CARD8: variants seen among roughly 807,000 people sequenced by gnomAD.
The protein encoded by CARD8 is caspase recruitment domain family member 8.
A neutral mutation model predicts 53.2 loss-of-function variants in CARD8; 38 were observed. The ratio of observed to expected loss-of-function variants is 0.71; its 90% CI spans 0.55 to 0.94. CARD8 has a LOEUF of 0.94. Ranked by LOEUF, CARD8 falls within the 40% of genes least tolerant of loss-of-function variation. CARD8 has a pLI of 0.00. For missense variants in CARD8, 561 were observed against 655.5 expected, an observed-to-expected ratio of 0.86 and a Z score of 1.57; for synonymous variants, 245 against 244.9, an observed-to-expected ratio of 1.00 and a Z score of 0.00.
intron 11 of CARD8, 113 bp from the exon 12 acceptor site, chr19:48,219,125 T>A (rs193121466): frequency 1.1e-6 from 1 of 919,716 alleles, no homozygotes; most frequent in Admixed American, 2.2e-5. Flanking sequence ...TCATGGCTGG[T>A]TGAGTGGGAA....
chr19:48,234,360 G>T, intron 6 of CARD8, 43 bp downstream of exon 6: 1 of 1,571,018 alleles, frequency 6.4e-7, no homozygotes, highest in South Asian at 1.2e-5. Flanking sequence ...GTGATATTGA[G>T]ACACAGCGTC....
chr19:48,242,541 T>G (rs891360824), intron 3 of CARD8: 1 of 152,210 alleles, frequency 6.6e-6, no homozygotes, highest in African/African-American at 2.4e-5. Context: ...TAACAGCACC[T>G]CCTTTGCTTT....
chr19:48,240,228 G>A (rs542530871), intron 4 of CARD8, among the ~76,000 whole-genome samples: 1 of 152,250 alleles, frequency 6.6e-6, no homozygotes, highest in African/African-American at 2.4e-5. Flanking sequence ...TGCTGATGAG[G>A]AGCCACTGAA....
intron 13 of CARD8, among the ~76,000 whole-genome samples, chr19:48,212,336 A>G (rs999276330): frequency 6.6e-6 from 1 of 152,174 alleles, no homozygotes; most frequent in African/African-American, 2.4e-5. Context: ...TAGTTCATAC[A>G]TTGTCAGAAA....
At chr19:48,249,909 T>G (rs549028512) in intron 1 of CARD8, 62 bp from the exon 2 acceptor site, 1 of 152,364 alleles carries the variant, frequency 6.6e-6, no homozygotes, top group African/African-American at 2.4e-5. Flanking sequence ...GCCCTCCGCT[T>G]GTTGAAAACA....
intron 11 of CARD8, among the ~76,000 whole-genome samples, chr19:48,221,040 AAAG>A (rs887799053): frequency 6.6e-6 from 1 of 150,928 alleles, no homozygotes; most frequent in Non-Finnish European, 1.5e-5. Context: ...AAGAGGGAAA[AAAG>A]AAAGAGGAAG....
intron 5 of CARD8, among the ~76,000 whole-genome samples, chr19:48,234,953 T>C (rs76986368): frequency 8.5e-5 from 13 of 152,284 alleles, no homozygotes; most frequent in East Asian, 1.9e-4. Flanking sequence ...CCCGAGAGAA[T>C]AGGACCCTAA....
chr19:48,217,182 T>A (rs4389238), intron 12 of CARD8, among the ~76,000 whole-genome samples: 7 of 152,196 alleles, frequency 4.6e-5, no homozygotes, highest in Admixed American at 3.9e-4. Context: ...AAGCTTCGCC[T>A]GCTCACCGTC....
intron 10 of CARD8, among the ~76,000 whole-genome samples, chr19:48,228,552 T>C (rs1386840554): frequency 6.6e-6 from 1 of 152,102 alleles, no homozygotes; most frequent in African/African-American, 2.4e-5. Flanking sequence ...CAGAGAGATC[T>C]GGGAACAGAG....
intron 5 of CARD8, among the ~76,000 whole-genome samples, chr19:48,237,310 T>C (rs1402697235): frequency 6.6e-6 from 1 of 151,714 alleles, no homozygotes; most frequent in Non-Finnish European, 1.5e-5. Context: ...CCACACACTT[T>C]TAAAGAACCA....
intron 1 of CARD8, among the ~76,000 whole-genome samples, chr19:48,254,203 T>C (rs1421674): frequency 0.23 from 35,029 of 151,962 alleles, 4,147 homozygotes; most frequent in Middle Eastern, 0.33. Flanking sequence ...AGTTTGAGTC[T>C]GGTCTGGGCA....
intron 10 of CARD8, among the ~76,000 whole-genome samples, chr19:48,225,570 AAGACTAGAAAG>A (rs1413623216): frequency 8.5e-5 from 13 of 152,280 alleles, no homozygotes; most frequent in Non-Finnish European, 1.6e-4. Flanking sequence ...TCTTTAGGCA[AAGACTAGAAAG>A]AGACTAGAAA....
chr19:48,214,098 T>C (rs969899203), intron 13 of CARD8, among the ~76,000 whole-genome samples: 1 of 152,244 alleles, frequency 6.6e-6, no homozygotes, highest in African/African-American at 2.4e-5. Flanking sequence ...GTCTACATGA[T>C]GTCCTCACGC....
At chr19:48,234,987 A>T (rs187141278) in intron 5 of CARD8, among the ~76,000 whole-genome samples, 1 of 152,204 alleles carries the variant, frequency 6.6e-6, no homozygotes, top group Admixed American at 6.5e-5. Flanking sequence ...GCAGGGCATT[A>T]GTGAGATTGG....
chr19:48,240,137 T>G (rs2044695034), intron 4 of CARD8, among the ~76,000 whole-genome samples: 1 of 152,178 alleles, frequency 6.6e-6, no homozygotes, highest in Non-Finnish European at 1.5e-5. Context: ...ACATGAAATA[T>G]TTGGTCAGAT....
intron 10 of CARD8, among the ~76,000 whole-genome samples, chr19:48,225,226 C>T (rs1480616543): frequency 1.3e-5 from 2 of 152,180 alleles, no homozygotes; most frequent in East Asian, 3.9e-4. Flanking sequence ...CACGGTGGCT[C>T]ACACCTGTAA....
intron 6 of CARD8, chr19:48,233,315 G>C (rs1306130783): frequency 4.4e-6 from 2 of 456,244 alleles, no homozygotes; most frequent in Admixed American, 4.7e-5. Flanking sequence ...CTCTGCCTTT[G>C]ATCCATTCCT....
rs940843940 is a variant in CARD8, at chr19:48,238,374, G to A, written c.209+9C>T. On this transcript the variant is annotated intron_variant, in intron 5 of 13. Coordinates refer to ENST00000651546, the MANE Select transcript of CARD8 (RefSeq NM_001184900.3). ...TTTAATTTTTTCCCAACAAATAGATGTCCCTTACGTATCATTTGTCACACA... is the reference window on the plus strand; with the variant it reads ...TTTAATTTTTTCCCAACAAATAGATATCCCTTACGTATCATTTGTCACACA... 4 of 1,533,744 alleles carry A rather than the reference G, an allele frequency of 2.6e-6. No homozygotes were observed. In the African/African-American group the frequency reaches 5.5e-5, roughly 21 times the overall value.
chr19:48,225,398 G>C (rs959755684), intron 10 of CARD8, among the ~76,000 whole-genome samples: 1 of 152,112 alleles, frequency 6.6e-6, no homozygotes, highest in Non-Finnish European at 1.5e-5. Flanking sequence ...CGCTGAGGCA[G>C]GAGAATCGCT....
Sources: gnomAD v4.1 joint callset for allele counts (sites outside exome capture counted in the v4.1 genomes callset) on GRCh38, gnomAD v4.1.1 for gene constraint, MANE v1.5 for transcripts, NCBI Gene and HGNC (gene_info 2026-07-23, HGNC 2026-07-21) for gene names.